The following LDLRAP1 variants were observed in gnomAD, a reference collection of about 807,000 sequenced individuals.
The protein encoded by LDLRAP1 is low density lipoprotein receptor adaptor protein 1, also known as low density lipoprotein receptor adapter protein 1.
LDLRAP1 carries 30 observed loss-of-function variants against 37.8 expected under a neutral mutation model. The ratio of observed to expected loss-of-function variants is 0.79; its 90% CI spans 0.59 to 1.08. The LOEUF is 1.08. Ranked by LOEUF, LDLRAP1 falls within the 50% of genes least tolerant of loss-of-function variation. The pLI is 0.00. For missense variants in LDLRAP1, 375 were observed against 401.6 expected, an observed-to-expected ratio of 0.93 and a Z score of 0.57; for synonymous variants, 156 against 169.8, an observed-to-expected ratio of 0.92 and a Z score of 0.63.
intron 1 of LDLRAP1, among the ~76,000 whole-genome samples, chr1:25,553,123 C>T (rs1412773295): frequency 6.6e-6 from 1 of 152,058 alleles, no homozygotes; most frequent in Non-Finnish European, 1.5e-5. Flanking sequence ...TCTACGGATG[C>T]GCACAGGGAG....
Position 25,567,079 on chromosome 1 carries a change from C to T in LDLRAP1, c.*87C>T. ...CGGGGGAGCCAGTTCTGGGGCCCGCCTGCCACCTCTCCCAGCCCTCAGCAT... is the reference window on the plus strand; with the variant it reads ...CGGGGGAGCCAGTTCTGGGGCCCGCTTGCCACCTCTCCCAGCCCTCAGCAT... On this transcript the variant is annotated 3_prime_UTR_variant, in exon 9 of 9. Coordinates refer to ENST00000374338, the MANE Select transcript of LDLRAP1 (RefSeq NM_015627.3). The T allele has an allele frequency of 1.3e-6, 2 of 1,499,266 alleles. No individual in the cohort carries two copies. Among genetic ancestry groups the T allele is most frequent in the East Asian group, 2.3e-5 (1 of 43,664 alleles). 92.9% of individuals were successfully genotyped at this position (1,499,266 alleles called of 1,614,324 possible). A position where few individuals can be genotyped will look rare whatever the true frequency, so the allele number is the denominator to read the frequency against.
chr1:25,546,044 G>A (rs2043926288), intron 1 of LDLRAP1, among the ~76,000 whole-genome samples: 2 of 152,162 alleles, frequency 1.3e-5, no homozygotes, highest in Non-Finnish European at 2.9e-5. Context: ...AGTGTGCTTG[G>A]TGAACTCTGC....
At chr1:25,573,592 C>G (rs1275406225), downstream of LDLRAP1, among the ~76,000 whole-genome samples, 1 of 152,180 alleles carries the variant, frequency 6.6e-6, no homozygotes, top group Non-Finnish European at 1.5e-5. Context: ...ACCCCACCAC[C>G]CCAACACTGT....
intron 1 of LDLRAP1, 133 bp from the exon 2 acceptor site, chr1:25,553,789 A>AT: frequency 7.6e-6 from 7 of 915,446 alleles, no homozygotes; most frequent in Non-Finnish European, 1.1e-5. Flanking sequence ...AAAAAAAAAA[A>AT]GAGTGGCAGT....
chr1:25,554,120 C>T lies in LDLRAP1; in HGVS notation c.231+56C>T. 1 of 1,602,934 alleles carries T rather than the reference C, an allele frequency of 6.2e-7. No individual in the cohort carries two copies. Among genetic ancestry groups the T allele is most frequent in the Non-Finnish European group, 8.5e-7 (1 of 1,175,628 alleles). ...ACCAGGGACCAAGGACCAGCTTCTT[C>T]CCAGGGTGCCCTCGTCCCAGCTTGT... On this transcript the variant is annotated intron_variant, in intron 2 of 8. Coordinates refer to ENST00000374338, the MANE Select transcript of LDLRAP1 (RefSeq NM_015627.3). This position sits in a 1 kb window ranked among gnomAD's most constrained non-coding sequence, Gnocchi z 5.4.
chr1:25,546,538 A>T (rs2043938080), intron 1 of LDLRAP1, among the ~76,000 whole-genome samples: 1 of 151,998 alleles, frequency 6.6e-6, no homozygotes, highest in African/African-American at 2.4e-5. Context: ...ATTTTATCTC[A>T]GTCCCTGGCC....
At position 25,565,043 on chromosome 1, in the gene LDLRAP1, G is replaced by A. The variant is rs186203582; in HGVS notation, c.748-130G>A. ...CCAGGCAGGAGGCCTGCCTGAGGCC[G>A]TGCCTCCAGGCGCCCACCCTGAGCT... On this transcript the variant is annotated intron_variant, in intron 7 of 8. Coordinates refer to ENST00000374338, the MANE Select transcript of LDLRAP1 (RefSeq NM_015627.3). The A allele has an allele frequency of 2.5e-4, 238 of 951,472 alleles. 1 individual carries two copies. The East Asian group carries it at 4.7e-3, about 19-fold the overall frequency. 58.9% of individuals were successfully genotyped at this position (951,472 alleles called of 1,614,324 possible).
chr1:25,565,664 G>C (rs1422658245), intron 8 of LDLRAP1, among the ~76,000 whole-genome samples: 1 of 152,156 alleles, frequency 6.6e-6, no homozygotes, highest in Non-Finnish European at 1.5e-5. Context: ...CAGGCACAGT[G>C]AGGAGGTGTT....
intron 1 of LDLRAP1, among the ~76,000 whole-genome samples, chr1:25,546,904 T>C (rs1469039348): frequency 6.6e-6 from 1 of 152,164 alleles, no homozygotes; most frequent in Non-Finnish European, 1.5e-5. Context: ...ATTCTTCCAG[T>C]GTGGCCCAGG....
chr1:25,546,755 A>G (rs1210801708), intron 1 of LDLRAP1, among the ~76,000 whole-genome samples: 2 of 152,224 alleles, frequency 1.3e-5, no homozygotes, highest in Admixed American at 1.3e-4. Context: ...TCATATTTAT[A>G]ATATTTATAA....
At chr1:25,551,502 A>G (rs893197551) in intron 1 of LDLRAP1, among the ~76,000 whole-genome samples, 3 of 152,168 alleles carry the variant, frequency 2.0e-5, no homozygotes, top group African/African-American at 7.2e-5. Context: ...AGGTGATGGT[A>G]ATAGCTATGG....
rs370053048 is a variant in LDLRAP1 at position 25,553,685 on chromosome 1, C to A, written c.89-237C>A. 7.1e-4 allele frequency: 366 copies of A among 517,336 alleles called. 1 individual carries two copies. Among genetic ancestry groups the A allele is most frequent in the African/African-American group, 6.3e-3 (325 of 51,566 alleles). 32.0% of individuals were successfully genotyped at this position (517,336 alleles called of 1,614,324 possible). A position where few individuals can be genotyped will look rare whatever the true frequency, so the allele number is the denominator to read the frequency against. On this transcript the variant is annotated intron_variant, in intron 1 of 8. Coordinates refer to ENST00000374338, the MANE Select transcript of LDLRAP1 (RefSeq NM_015627.3). Reference sequence around the variant, plus strand: ...ACTCGGGAGGCAGAGGCAGGAGAATCGCTTGAACCTGGGGTGCAGAGGTTG... The same window carrying A: ...ACTCGGGAGGCAGAGGCAGGAGAATAGCTTGAACCTGGGGTGCAGAGGTTG...
chr1:25,588,670 C>A, the LDLRAP1 span, among the ~76,000 whole-genome samples: 1 of 152,190 alleles, frequency 6.6e-6, no homozygotes, highest in Non-Finnish European at 1.5e-5. Context: ...CAGAGGCCGG[C>A]GTGGATCCTC....
intron 8 of LDLRAP1, 145 bp downstream of exon 8, chr1:25,565,352 A>C (rs2044450654): frequency 1.1e-6 from 1 of 912,824 alleles, no homozygotes; most frequent in Non-Finnish European, 1.8e-6. Context: ...CTCCACTCAA[A>C]TGCTTCCAGG....
the LDLRAP1 span, among the ~76,000 whole-genome samples, chr1:25,585,261 G>A: frequency 6.6e-6 from 1 of 152,158 alleles, no homozygotes; most frequent in Non-Finnish European, 1.5e-5. Context: ...TGCTCAGAGA[G>A]GTGAGGCGAT....
chr1:25,577,918 CTGT>C, the LDLRAP1 span, among the ~76,000 whole-genome samples: 7 of 152,332 alleles, frequency 4.6e-5, no homozygotes, highest in Non-Finnish European at 8.8e-5. Context: ...GCTATTGGGA[CTGT>C]TGTTAGGATT....
chr1:25,566,124 G>A (rs984923227), intron 8 of LDLRAP1, among the ~76,000 whole-genome samples: 2 of 152,158 alleles, frequency 1.3e-5, no homozygotes, highest in Non-Finnish European at 2.9e-5. Flanking sequence ...AGCATCATGT[G>A]CCCTTTATTA....
the LDLRAP1 span, among the ~76,000 whole-genome samples, chr1:25,583,942 C>T: frequency 6.6e-6 from 1 of 152,168 alleles, no homozygotes; most frequent in Admixed American, 6.5e-5. Flanking sequence ...CAAGTTTCGT[C>T]ACGTTGTAGC....
the LDLRAP1 span, among the ~76,000 whole-genome samples, chr1:25,574,528 G>T: frequency 2.0e-5 from 3 of 152,226 alleles, no homozygotes; most frequent in Admixed American, 2.0e-4. Flanking sequence ...TGCATGGCCA[G>T]CTGCCTGGGT....
Sources: gnomAD v4.1 joint callset for allele counts (sites outside exome capture counted in the v4.1 genomes callset) on GRCh38, gnomAD v4.1.1 for gene constraint, Gnocchi (gnomAD v3.1) non-coding constraint, MANE v1.5 for transcripts, NCBI Gene and HGNC (gene_info 2026-07-23, HGNC 2026-07-21) for gene names.